Variants in SRGAP3 observed in about 807,000 individuals in gnomAD.
The protein encoded by SRGAP3 is SLIT-ROBO Rho GTPase-activating protein 3.
In SRGAP3, 39 loss-of-function variants were observed where a neutral mutation model predicts 121.1. The observed-to-expected ratio is 0.32, with a 90% CI of 0.25 to 0.42. SRGAP3 has a LOEUF of 0.42. Among genes scored for constraint, SRGAP3 ranks in the 10% least tolerant of loss-of-function variants. SRGAP3 has a pLI of 1.00. For synonymous variants in SRGAP3, 601 were observed against 570.0 expected (o/e 1.05, Z -0.77); for missense variants, 1,213 against 1,470.6 (o/e 0.82, Z 2.86).
chr3:9,014,142 C>T (rs1346556661), intron 15 of SRGAP3: 5 of 454,112 alleles, frequency 1.1e-5, no homozygotes, highest in Non-Finnish European at 1.6e-5. Flanking sequence ...GCCTGGAGCA[C>T]AGTGGGGGCC....
intron 1 of SRGAP3, among the ~76,000 whole-genome samples, chr3:9,140,621 C>T (rs1200435882): frequency 6.6e-6 from 1 of 152,232 alleles, no homozygotes; most frequent in African/African-American, 2.4e-5. Context: ...ATTACAACTA[C>T]TCAACCCTAT....
intron 1 of SRGAP3, among the ~76,000 whole-genome samples, chr3:9,156,205 G>A (rs919623604): frequency 1.3e-5 from 2 of 152,254 alleles, no homozygotes; most frequent in African/African-American, 4.8e-5. Context: ...ATCATCAGAA[G>A]TGAGTTTGGG....
At chr3:9,122,007 G>A (rs1335831101) in intron 2 of SRGAP3, among the ~76,000 whole-genome samples, 1 of 152,192 alleles carries the variant, frequency 6.6e-6, no homozygotes, top group Non-Finnish European at 1.5e-5. Context: ...AGGCAGAGAA[G>A]AGACAAAGGT....
chr3:9,347,905 A>G (rs1301801726), intron 1 of SRGAP3, among the ~76,000 whole-genome samples: 1 of 152,230 alleles, frequency 6.6e-6, no homozygotes, highest in African/African-American at 2.4e-5. Context: ...ATGGAGGAAG[A>G]GAAGAGAAAA....
chr3:9,219,748 G>A (rs914209594), intron 1 of SRGAP3, among the ~76,000 whole-genome samples: 1 of 152,176 alleles, frequency 6.6e-6, no homozygotes, highest in African/African-American at 2.4e-5. Flanking sequence ...CTACTCATGA[G>A]GTTGAGGCAG....
rs574644002 is a variant in SRGAP3 at position 9,086,839 on chromosome 3, T to C, written c.424-6752A>G. 2.9e-3 allele frequency among the ~76,000 whole-genome samples: 409 copies of C among 139,816 alleles called. 2 individuals are homozygous for C. Among genetic ancestry groups the C allele is most frequent in the African/African-American group, 0.011 (384 of 36,054 alleles). The allele number at this position is 139,816 out of a possible 152,430, so 91.7% of individuals were successfully genotyped here. A position where few individuals can be genotyped will look rare whatever the true frequency, so the allele number is the denominator to read the frequency against. On this transcript the variant is annotated intron_variant, in intron 3 of 21. Transcript: ENST00000383836. Reference sequence around the variant, plus strand: ...CATATACATATAGGTATAGTACATATGTATACATACTATACACATATGTAT... The same window carrying C: ...CATATACATATAGGTATAGTACATACGTATACATACTATACACATATGTAT...
intron 2 of SRGAP3, among the ~76,000 whole-genome samples, chr3:9,328,877 A>G (rs1955559419): frequency 6.6e-6 from 1 of 152,202 alleles, no homozygotes; most frequent in African/African-American, 2.4e-5. Context: ...TAATTTTTAG[A>G]GCTAACTATG....
chr3:9,123,730 ATATGTGTG>A (rs1949109193), intron 2 of SRGAP3, among the ~76,000 whole-genome samples: 1 of 110,256 alleles, frequency 9.1e-6, no homozygotes, highest in Non-Finnish European at 1.8e-5. Flanking sequence ...ATATATGTAT[ATATGTGTG>A]TGTGTGTGTG....
At chr3:9,043,921 A>G (rs1217750585) in intron 10 of SRGAP3, among the ~76,000 whole-genome samples, 2 of 152,034 alleles carry the variant, frequency 1.3e-5, no homozygotes, top group South Asian at 2.1e-4. Flanking sequence ...GAATACCCAC[A>G]CCCCAGAGCA....
At chr3:8,996,731 C>T (rs1413101658) in intron 18 of SRGAP3, among the ~76,000 whole-genome samples, 2 of 152,230 alleles carry the variant, frequency 1.3e-5, no homozygotes, top group Admixed American at 6.5e-5. Context: ...GCTAGCCCAT[C>T]TGCCTGCCTC....
At chr3:9,233,905 A>G (rs545827752) in intron 1 of SRGAP3, among the ~76,000 whole-genome samples, 6 of 152,352 alleles carry the variant, frequency 3.9e-5, no homozygotes, top group Non-Finnish European at 5.9e-5. Flanking sequence ...AGCTAAATCT[A>G]TGTGAACTGG....
chr3:9,124,394 G>A (rs769538294), intron 2 of SRGAP3, among the ~76,000 whole-genome samples: 2 of 152,162 alleles, frequency 1.3e-5, no homozygotes, highest in East Asian at 1.9e-4. Flanking sequence ...TCTCACCAGG[G>A]CACAAATGGA....
At position 8,985,583 on chromosome 3, in the gene SRGAP3, G is replaced by A. The variant is rs1559836622; in HGVS notation, c.3236C>T (p.Pro1079Leu). 16 of 1,560,556 alleles carry A rather than the reference G, an allele frequency of 1.0e-5. No homozygotes were observed. The highest frequency in any genetic ancestry group is 1.1e-5 in the Non-Finnish European group (13 of 1,160,440). ...SSSSSSGVGS[P>L]AVTPTEKMFP... ...CATCTTCTCGGTGGGCGTCACGGCC[G>A]GGCTGCCCACGCCCGAGCTGCTGCT... The change falls in exon 22 of 22, where the codon CCG becomes CTG. Residue 1079 changes from proline (P) to leucine (L), a missense_variant. Coordinates refer to ENST00000383836, the MANE Select transcript of SRGAP3 (RefSeq NM_014850.4). The surrounding 1 kb of genome is among the most constrained non-coding windows in gnomAD (Gnocchi z 5.1).
intron 18 of SRGAP3, among the ~76,000 whole-genome samples, chr3:8,995,716 G>A (rs988927702): frequency 6.6e-5 from 10 of 152,184 alleles, no homozygotes; most frequent in African/African-American, 9.7e-5. Flanking sequence ...GCAGGGGATT[G>A]TGCCTACAGT....
At position 8,990,570 on chromosome 3, in the gene SRGAP3, G is replaced by T; in HGVS notation, c.2828C>A (p.Ser943Tyr). Residue 943 changes from serine to tyrosine, a missense_variant, in exon 21 of 22, where the codon TCC (serine) becomes TAC (tyrosine). Ser to Tyr is a moderately radical substitution (Grantham distance 144). Transcript: ENST00000383836. ...EGHSMRSTCG[S>Y]TRHSSLGDHK... The stretch of plus-strand genomic sequence containing the variant: ...GTCCCCTAGGCTGCTGTGCCTGGTG[G>T]AACCGCAGGTCGACCTCATCGAGTG... 6.3e-7 allele frequency: 1 copy of T among 1,587,176 alleles called. No homozygotes were observed. The highest frequency in any genetic ancestry group is 8.6e-7 in the Non-Finnish European group (1 of 1,167,038).
At chr3:9,136,810 G>C (rs113329594) in intron 1 of SRGAP3, among the ~76,000 whole-genome samples, 1 of 152,164 alleles carries the variant, frequency 6.6e-6, no homozygotes, top group South Asian at 2.1e-4. Flanking sequence ...TGATCCCCAC[G>C]GTTCCTGCGG....
intron 3 of SRGAP3, chr3:9,257,001 G>C (rs1954145028): frequency 2.5e-6 from 1 of 396,408 alleles, no homozygotes; most frequent in Admixed American, 4.4e-5. Flanking sequence ...CTGGCACCCA[G>C]TAAGTGCCAC....
intron 3 of SRGAP3, among the ~76,000 whole-genome samples, chr3:9,301,474 G>C (rs1422689980): frequency 6.6e-6 from 1 of 152,216 alleles, no homozygotes; most frequent in Non-Finnish European, 1.5e-5. Context: ...AAAGCACTTT[G>C]CAGGGGAGCA....
chr3:8,986,833 G>A (rs1022920724), intron 21 of SRGAP3, among the ~76,000 whole-genome samples: 52 of 152,196 alleles, frequency 3.4e-4, no homozygotes, highest in African/African-American at 1.3e-3. Flanking sequence ...CAGGAGGAGA[G>A]CACTCTGATT....
Sources: allele counts gnomAD v4.1 joint callset (sites outside exome capture counted in the v4.1 genomes callset), GRCh38; gene constraint gnomAD v4.1.1; non-coding constraint Gnocchi (gnomAD v3.1); transcripts MANE v1.5; gene names NCBI Gene and HGNC (gene_info 2026-07-23, HGNC 2026-07-21).